BANK1: variants seen among roughly 807,000 people sequenced by gnomAD.
The protein encoded by BANK1 is B-cell scaffold protein with ankyrin repeats.
BANK1 carries 95 observed loss-of-function variants against 94.5 expected under a neutral mutation model. That is an observed-to-expected ratio of 1.00 (90% CI 0.85 to 1.19). The LOEUF is 1.19. Among genes scored for constraint, BANK1 ranks in the 50% most tolerant of loss-of-function variants. The probability of loss-of-function intolerance (pLI) is 0.00; values close to 1 mark genes in which losing one functional copy is unlikely to be tolerated. For missense variants in BANK1, 987 were observed against 932.2 expected, an observed-to-expected ratio of 1.06 and a Z score of -0.77; for synonymous variants, 334 against 308.4, an observed-to-expected ratio of 1.08 and a Z score of -0.87.
chr4:101,980,665 A>T (rs60500975), intron 7 of BANK1, among the ~76,000 whole-genome samples: 57,251 of 151,788 alleles, frequency 0.38, 11,900 homozygotes, highest in South Asian at 0.53. Context: ...TATAAATTAA[A>T]TTGAAACAGT....
chr4:101,909,835 C>A (rs1160716868), intron 6 of BANK1, among the ~76,000 whole-genome samples: 2 of 152,120 alleles, frequency 1.3e-5, no homozygotes, highest in Non-Finnish European at 1.5e-5. Flanking sequence ...AGACATGGGG[C>A]AAATATAATA....
intron 2 of BANK1, 29 bp from the exon 3 acceptor site, chr4:101,855,006 A>G: frequency 1.9e-6 from 3 of 1,550,678 alleles, no homozygotes; most frequent in Non-Finnish European, 2.7e-6. Context: ...TAGTTATATT[A>G]TAATCTACAT....
chr4:102,032,897 T>A lies in BANK1; in HGVS notation c.1900+2632T>A, dbSNP rs72933912. Among the ~76,000 whole-genome samples the A allele has an allele frequency of 1.6e-3, 237 of 145,148 alleles. 2 individuals carry two copies. Among genetic ancestry groups the A allele is most frequent in the African/African-American group, 4.5e-3 (176 of 39,354 alleles). Reference sequence around the variant, plus strand: ...GAGACTCCATCAAAAAATATAAAAATAAAAAAAAAAAATGAAGCACCAAAT... The same window carrying A: ...GAGACTCCATCAAAAAATATAAAAAAAAAAAAAAAAAATGAAGCACCAAAT... On this transcript the variant is annotated intron_variant, in intron 10 of 16. Coordinates refer to ENST00000322953, the MANE Select transcript of BANK1 (RefSeq NM_017935.5).
chr4:101,795,549 A>C (rs1356636815), intron 1 of BANK1, among the ~76,000 whole-genome samples: 2 of 152,060 alleles, frequency 1.3e-5, no homozygotes, highest in Non-Finnish European at 2.9e-5. Context: ...TTTTCTATTG[A>C]TTGCATTTTA....
intron 10 of BANK1, among the ~76,000 whole-genome samples, chr4:102,034,418 A>G (rs1727430154): frequency 1.3e-5 from 2 of 152,214 alleles, no homozygotes; most frequent in Admixed American, 6.5e-5. Context: ...ATACAAATAT[A>G]TATTTCAAAG....
At chr4:101,917,150 G>A (rs891363307) in intron 6 of BANK1, among the ~76,000 whole-genome samples, 6 of 152,076 alleles carry the variant, frequency 3.9e-5, no homozygotes, top group Middle Eastern at 3.4e-3. Context: ...GAAGACAGTT[G>A]ACTTTGGTTT....
intron 7 of BANK1, among the ~76,000 whole-genome samples, chr4:101,997,795 A>G (rs186508718): frequency 8.8e-4 from 133 of 151,954 alleles, no homozygotes; most frequent in Non-Finnish European, 1.1e-3. Context: ...GATTGTGTCT[A>G]TTTGATTCTT....
chr4:101,957,969 C>T (rs746346542), intron 7 of BANK1, among the ~76,000 whole-genome samples: 11 of 151,812 alleles, frequency 7.2e-5, no homozygotes, highest in Non-Finnish European at 1.2e-4. Context: ...CTCAGCCTCC[C>T]GAGTAGCTGG....
intron 7 of BANK1, among the ~76,000 whole-genome samples, chr4:101,942,153 C>T (rs1723772071): frequency 6.6e-6 from 1 of 151,888 alleles, no homozygotes; most frequent in South Asian, 2.1e-4. Flanking sequence ...CAGCATTTTG[C>T]ATTTTTCTGC....
chr4:101,917,832 G>C (rs887907779), intron 6 of BANK1, among the ~76,000 whole-genome samples, 161 bp from the exon 7 acceptor site: 3 of 151,808 alleles, frequency 2.0e-5, no homozygotes, highest in Admixed American at 6.6e-5. Flanking sequence ...GTAATTGAGC[G>C]AGGGGAAGAT....
intron 7 of BANK1, among the ~76,000 whole-genome samples, chr4:102,014,640 C>T (rs1376996134): frequency 2.0e-5 from 3 of 152,080 alleles, no homozygotes; most frequent in Non-Finnish European, 4.4e-5. Flanking sequence ...TATTCAGCAT[C>T]CTGGGAGTAT....
In BANK1 at chr4:101,882,118, G is replaced by T. The variant is rs986933536; in HGVS notation, c.903+11474G>T. 3.3e-5 allele frequency among the ~76,000 whole-genome samples: 5 copies of T among 152,006 alleles called. 1 individual carries two copies. On this transcript the variant is annotated intron_variant, in intron 5 of 16. Transcript: ENST00000322953. ...CAAAGGATAAATGCTTGAGGGGATG[G>T]ATACCCCATTTTACACGATGTGATT...
At position 102,059,098 on chromosome 4, in the gene BANK1, C is replaced by G. The variant is rs570291542; in HGVS notation, c.1970-1113C>G. On this transcript the variant is annotated intron_variant, in intron 11 of 16. Coordinates refer to ENST00000322953, the MANE Select transcript of BANK1 (RefSeq NM_017935.5). The stretch of plus-strand genomic sequence containing the variant: ...GAACAATCAATCCTAGTTATATCAA[C>G]AAATTCTTATTACTGTAGAATTTGA... Among the ~76,000 whole-genome samples the G allele has an allele frequency of 1.4e-4, 21 of 152,316 alleles. No homozygotes were observed. The South Asian group carries it at 4.1e-3, about 30-fold the overall frequency.
chr4:101,810,214 T>C (rs558409696), intron 1 of BANK1, among the ~76,000 whole-genome samples: 2 of 152,196 alleles, frequency 1.3e-5, no homozygotes, highest in Non-Finnish European at 2.9e-5. Context: ...ATAGAAATAA[T>C]GTAGCCCTGC....
At chr4:102,068,122 C>G (rs536538709) in intron 13 of BANK1, among the ~76,000 whole-genome samples, 18 of 151,932 alleles carry the variant, frequency 1.2e-4, no homozygotes, top group African/African-American at 4.1e-4. Context: ...GTATTTCAAC[C>G]TGAATAATAA....
At chr4:101,879,979 T>C (rs1728618118) in intron 5 of BANK1, among the ~76,000 whole-genome samples, 1 of 152,090 alleles carries the variant, frequency 6.6e-6, no homozygotes, top group African/African-American at 2.4e-5. Context: ...CTACAGCTAC[T>C]ATCATACTGA....
intron 5 of BANK1, among the ~76,000 whole-genome samples, chr4:101,878,681 C>G (rs1204565120): frequency 3.9e-5 from 6 of 152,028 alleles, no homozygotes; most frequent in African/African-American, 1.4e-4. Flanking sequence ...TGACCATTCT[C>G]AAAAATAGAC....
intron 7 of BANK1, 118 bp from the exon 8 acceptor site, chr4:102,021,396 A>T (rs1406196022): frequency 2.5e-6 from 1 of 394,880 alleles, no homozygotes; most frequent in East Asian, 4.1e-5. Flanking sequence ...CAAATATATT[A>T]TCCAAGATCT....
At chr4:101,891,479 C>T (rs994949670) in intron 5 of BANK1, among the ~76,000 whole-genome samples, 3 of 151,856 alleles carry the variant, frequency 2.0e-5, no homozygotes, top group African/African-American at 4.8e-5. Flanking sequence ...AGGGGTTTAT[C>T]CTGTTTTTGC....
Sources: allele counts gnomAD v4.1 joint callset (sites outside exome capture counted in the v4.1 genomes callset), GRCh38; gene constraint gnomAD v4.1.1; transcripts MANE v1.5; gene names NCBI Gene and HGNC (gene_info 2026-07-23, HGNC 2026-07-21).